The following IGSF10 variants were observed in gnomAD, a reference collection of about 807,000 sequenced individuals.
IGSF10 encodes the protein immunoglobulin superfamily member 10, also known as calvaria mechanical force protein 608.
IGSF10 carries 126 observed loss-of-function variants against 128.2 expected under a neutral mutation model. That is an observed-to-expected ratio of 0.98 (90% CI 0.85 to 1.14). The LOEUF (loss-of-function observed/expected upper bound fraction) is 1.14, where lower values mean the gene tolerates loss of function less well. IGSF10 is among the 50% of genes most tolerant of loss of function. The pLI is 0.00. For missense variants in IGSF10, 3,295 were observed against 3,149.8 expected (o/e 1.05, Z -1.10); for synonymous variants, 1,185 against 1,146.2 (o/e 1.03, Z -0.68).
the IGSF10 span, among the ~76,000 whole-genome samples, chr3:151,605,770 C>T: frequency 2.6e-5 from 4 of 152,180 alleles, no homozygotes; most frequent in Admixed American, 2.0e-4. Context: ...TTTTCTTCAC[C>T]TTGCCACTCT....
chr3:151,588,858 G>A, the IGSF10 span, among the ~76,000 whole-genome samples: 4 of 152,192 alleles, frequency 2.6e-5, no homozygotes, highest in Admixed American at 1.3e-4. Flanking sequence ...AGAATAGGGA[G>A]TGCCAGGGCT....
the IGSF10 span, among the ~76,000 whole-genome samples, chr3:151,524,350 T>G: frequency 6.6e-6 from 1 of 152,118 alleles, no homozygotes; most frequent in African/African-American, 2.4e-5. Context: ...GCAGCACTAT[T>G]CACAATAGCA....
intron 3 of IGSF10, among the ~76,000 whole-genome samples, chr3:151,458,099 T>C (rs1452345907): frequency 1.3e-5 from 2 of 151,694 alleles, no homozygotes; most frequent in African/African-American, 4.9e-5. Flanking sequence ...AAAGGGCCTA[T>C]AAAAAGGATA....
At chr3:151,470,746 A>AAGCAGCAGC in the IGSF10 span, among the ~76,000 whole-genome samples, 1 of 151,654 alleles carries the variant, frequency 6.6e-6, no homozygotes, top group Non-Finnish European at 1.5e-5. Flanking sequence ...AATTGACTAA[A>AAGCAGCAGC]AGCAGCAGCA....
upstream of IGSF10, among the ~76,000 whole-genome samples, chr3:151,465,368 C>G (rs556818604): frequency 6.6e-6 from 1 of 152,232 alleles, no homozygotes; most frequent in Non-Finnish European, 1.5e-5. Context: ...GAAATAGGTG[C>G]CTGAAGAGCA....
the IGSF10 span, among the ~76,000 whole-genome samples, chr3:151,579,455 G>C: frequency 6.6e-6 from 1 of 152,040 alleles, no homozygotes; most frequent in Non-Finnish European, 1.5e-5. Context: ...TAGTGTAAAA[G>C]GTGGATAACA....
the IGSF10 span, among the ~76,000 whole-genome samples, chr3:151,515,270 A>G: frequency 6.6e-6 from 1 of 151,986 alleles, no homozygotes; most frequent in African/African-American, 2.4e-5. Context: ...CATGTATGCC[A>G]TGGAATACTA....
At chr3:151,481,780 C>T in the IGSF10 span, among the ~76,000 whole-genome samples, 1 of 152,136 alleles carries the variant, frequency 6.6e-6, no homozygotes, top group African/African-American at 2.4e-5. Context: ...CAACAGAGAT[C>T]CCCTCAACTA....
In IGSF10 at chr3:151,436,363, G is replaced by GTATT. The variant is rs1204075563; in HGVS notation, c.*322_*325dup. On this transcript the variant is annotated 3_prime_UTR_variant, in exon 8 of 8. Transcript: ENST00000282466. ...ATAGGAGGTGGACACTAGGCAACTG[G>GTATT]TATTAGAAGTTCATTTTTTTACTGA... The GTATT allele has an allele frequency of 9.0e-6, 2 of 221,150 alleles. No individual in the cohort carries two copies. Among genetic ancestry groups the GTATT allele is most frequent in the Admixed American group, 5.2e-5 (1 of 19,224 alleles). 13.7% of individuals were successfully genotyped at this position (221,150 alleles called of 1,614,324 possible). A position where few individuals can be genotyped will look rare whatever the true frequency, so the allele number is the denominator to read the frequency against.
chr3:151,441,774 T>C (rs1424370744), intron 7 of IGSF10, among the ~76,000 whole-genome samples: 4 of 152,136 alleles, frequency 2.6e-5, no homozygotes, highest in African/African-American at 9.7e-5. Flanking sequence ...ATAAAATGAA[T>C]ATTGAGGCCA....
chr3:151,472,948 TCA>T, the IGSF10 span, among the ~76,000 whole-genome samples: 20 of 152,256 alleles, frequency 1.3e-4, no homozygotes, highest in Non-Finnish European at 2.1e-4. Context: ...GGTCCACGTC[TCA>T]CAACTCAAAA....
the IGSF10 span, among the ~76,000 whole-genome samples, chr3:151,494,103 T>C: frequency 5.3e-5 from 8 of 152,190 alleles, no homozygotes; most frequent in Admixed American, 5.2e-4. Context: ...ATTTCTAATT[T>C]AGTAGCTTTA....
At chr3:151,597,216 G>A in the IGSF10 span, among the ~76,000 whole-genome samples, 2 of 152,122 alleles carry the variant, frequency 1.3e-5, no homozygotes, top group Non-Finnish European at 2.9e-5. Flanking sequence ...TAGGTGTTGT[G>A]GACACAGTGA....
At chr3:151,570,490 G>A in the IGSF10 span, among the ~76,000 whole-genome samples, 4 of 152,216 alleles carry the variant, frequency 2.6e-5, no homozygotes, top group Non-Finnish European at 5.9e-5. Context: ...GGCCAGTGAT[G>A]ATGAGCATTT....
At chr3:151,541,961 T>C in the IGSF10 span, among the ~76,000 whole-genome samples, 1 of 152,202 alleles carries the variant, frequency 6.6e-6, no homozygotes. Context: ...TTCTTTGGCT[T>C]CATTTTAATC....
chr3:151,482,825 C>T, the IGSF10 span, among the ~76,000 whole-genome samples: 586 of 151,878 alleles, frequency 3.9e-3, 20 homozygotes, highest in East Asian at 0.044. Flanking sequence ...GATAAGAGAA[C>T]CTTCATTACT....
At chr3:151,613,738 G>T in the IGSF10 span, among the ~76,000 whole-genome samples, 1 of 152,174 alleles carries the variant, frequency 6.6e-6, no homozygotes, top group Admixed American at 6.5e-5. Flanking sequence ...GAAAACTTAG[G>T]CAATACCATT....
At chr3:151,593,677 G>C in the IGSF10 span, among the ~76,000 whole-genome samples, 1 of 151,538 alleles carries the variant, frequency 6.6e-6, no homozygotes, top group Admixed American at 6.6e-5. Context: ...GGAAGACAAA[G>C]AAAAAAATAG....
the IGSF10 span, among the ~76,000 whole-genome samples, chr3:151,556,936 T>C: frequency 3.9e-5 from 6 of 152,178 alleles, no homozygotes; most frequent in Admixed American, 1.3e-4. Context: ...TAAAGTCTTT[T>C]AGAAGGAGAG....
Sources: gnomAD v4.1 joint callset for allele counts (sites outside exome capture counted in the v4.1 genomes callset) on GRCh38, gnomAD v4.1.1 for gene constraint, MANE v1.5 for transcripts, NCBI Gene and HGNC (gene_info 2026-07-23, HGNC 2026-07-21) for gene names.